PTK7: variants seen among roughly 807,000 people sequenced by gnomAD.
The protein encoded by PTK7 is inactive tyrosine-protein kinase 7.
Under a neutral mutation model 116.6 loss-of-function variants are expected in PTK7, and 39 were observed. The observed-to-expected ratio is 0.33, with a 90% CI of 0.26 to 0.44. The LOEUF (loss-of-function observed/expected upper bound fraction) is 0.44, where lower values mean the gene tolerates loss of function less well. PTK7 is among the 20% of genes least tolerant of loss of function. The pLI is 1.00. For synonymous variants in PTK7, 546 were observed against 563.6 expected (o/e 0.97, Z 0.44); for missense variants, 1,169 against 1,425.6 (o/e 0.82, Z 2.90).
In PTK7 at chr6:43,130,437, G is replaced by A. The variant is rs1333185908; in HGVS notation, c.661+17G>A. The A allele has an allele frequency of 6.2e-7, 1 of 1,604,052 alleles. No individual in the cohort carries two copies. Among genetic ancestry groups the A allele is most frequent in the Non-Finnish European group, 8.5e-7 (1 of 1,172,266 alleles). Reference sequence around the variant, plus strand: ...GCATTGCTGGTGAGCCTGGGGTGGGGGCGGAAGGGATGAGGTGAGCACAGG... The same window carrying A: ...GCATTGCTGGTGAGCCTGGGGTGGGAGCGGAAGGGATGAGGTGAGCACAGG... On this transcript the variant is annotated intron_variant, in intron 4 of 19. Transcript: ENST00000230419.
chr6:43,090,398 C>T (rs753297766), intron 1 of PTK7, among the ~76,000 whole-genome samples: 2 of 152,144 alleles, frequency 1.3e-5, no homozygotes, highest in African/African-American at 2.4e-5. Flanking sequence ...CCACTGCTGT[C>T]GGTATTTGCA....
chr6:43,131,640 A>G (rs1769688803), intron 5 of PTK7: 1 of 315,428 alleles, frequency 3.2e-6, no homozygotes, highest in African/African-American at 2.2e-5. Flanking sequence ...CACGGGAAAG[A>G]CTTGCCCCCA....
Position 43,129,552 on chromosome 6 carries a change from C to T in PTK7, c.368-175C>T. Reference sequence around the variant, plus strand: ...GTGTCAGACTTGACCTGCCAGGGACCAGGCAGGCACTTAGTATCTGGTAAC... The same window carrying T: ...GTGTCAGACTTGACCTGCCAGGGACTAGGCAGGCACTTAGTATCTGGTAAC... On this transcript the variant is annotated intron_variant, in intron 2 of 19. Coordinates refer to ENST00000230419, the MANE Select transcript of PTK7 (RefSeq NM_002821.5). This position sits in a 1 kb window ranked among gnomAD's most constrained non-coding sequence, Gnocchi z 4.5. 2.9e-6 allele frequency: 2 copies of T among 679,474 alleles called. No homozygotes were observed. The highest frequency in any genetic ancestry group is 4.9e-6 in the Non-Finnish European group (2 of 406,712). The allele number at this position is 679,474 out of a possible 1,614,324, so 42.1% of individuals were successfully genotyped here.
intron 1 of PTK7, among the ~76,000 whole-genome samples, chr6:43,100,698 G>A (rs945083991): frequency 7.9e-5 from 12 of 152,108 alleles, no homozygotes; most frequent in African/African-American, 1.7e-4. Flanking sequence ...ACAAGATCAC[G>A]GGGGAAATCC....
At chr6:43,105,410 A>G (rs1196587699) in intron 1 of PTK7, among the ~76,000 whole-genome samples, 1 of 145,674 alleles carries the variant, frequency 6.9e-6, no homozygotes, top group Non-Finnish European at 1.5e-5. Context: ...GTCGAATTAT[A>G]TGAACAGACA....
At chr6:43,087,551 A>G (rs994525271) in intron 1 of PTK7, among the ~76,000 whole-genome samples, 3 of 152,130 alleles carry the variant, frequency 2.0e-5, no homozygotes, top group Non-Finnish European at 4.4e-5. Flanking sequence ...GGTGATGTTC[A>G]TACCTCTTGA....
chr6:43,158,191 C>T (rs189251957), intron 17 of PTK7, among the ~76,000 whole-genome samples: 18 of 151,748 alleles, frequency 1.2e-4, no homozygotes, highest in Non-Finnish European at 2.6e-4. Flanking sequence ...CCCAGCTACT[C>T]GGGAGGCTGA....
chr6:43,080,325 C>T (rs1947201610), intron 1 of PTK7, among the ~76,000 whole-genome samples: 1 of 152,022 alleles, frequency 6.6e-6, no homozygotes, highest in Admixed American at 6.6e-5. Context: ...GCACTCCAGC[C>T]TGGGTGTCAG....
chr6:43,082,135 A>G (rs111992890), intron 1 of PTK7, among the ~76,000 whole-genome samples: 8 of 152,318 alleles, frequency 5.3e-5, no homozygotes, highest in African/African-American at 1.9e-4. Context: ...ACGTGGCATC[A>G]GCATTCCTGG....
At chr6:43,107,538 G>C (rs1434155717) in intron 1 of PTK7, among the ~76,000 whole-genome samples, 1 of 152,210 alleles carries the variant, frequency 6.6e-6, no homozygotes, top group Non-Finnish European at 1.5e-5. Flanking sequence ...TGGTCAGTAA[G>C]TGGTAGCTGT....
At chr6:43,085,342 G>A (rs559437582) in intron 1 of PTK7, among the ~76,000 whole-genome samples, 7 of 152,092 alleles carry the variant, frequency 4.6e-5, no homozygotes, top group Non-Finnish European at 8.8e-5. Flanking sequence ...TCCACCTCCC[G>A]GGTTCGCGCC....
At chr6:43,124,606 G>C (rs1028585106) in intron 1 of PTK7, among the ~76,000 whole-genome samples, 1 of 151,870 alleles carries the variant, frequency 6.6e-6, no homozygotes, top group Non-Finnish European at 1.5e-5. Context: ...AGCCCTGGAG[G>C]TCAAGGCTGC....
chr6:43,119,691 A>G (rs1267195148), intron 1 of PTK7, among the ~76,000 whole-genome samples: 1 of 152,060 alleles, frequency 6.6e-6, no homozygotes, highest in Non-Finnish European at 1.5e-5. Context: ...CTCGTGGCAT[A>G]TTTCCCAGTC....
At chr6:43,118,282 A>G (rs1378829232) in intron 1 of PTK7, among the ~76,000 whole-genome samples, 12 of 151,918 alleles carry the variant, frequency 7.9e-5, no homozygotes, top group Admixed American at 7.9e-4. Flanking sequence ...CATGCCTGTA[A>G]TCCCAGTACT....
intron 1 of PTK7, among the ~76,000 whole-genome samples, chr6:43,110,012 T>C (rs1351691180): frequency 6.7e-6 from 1 of 149,632 alleles, no homozygotes; most frequent in East Asian, 2.0e-4. Context: ...TTTTTTTTTT[T>C]TTGAGACAGA....
intron 17 of PTK7, among the ~76,000 whole-genome samples, chr6:43,157,223 T>C (rs1356034504): frequency 6.8e-5 from 10 of 146,712 alleles, no homozygotes; most frequent in African/African-American, 1.8e-4. Flanking sequence ...CTTACCTTTC[T>C]ACCTTCTAGC....
chr6:43,130,195 C>G (rs748948161), intron 3 of PTK7, 35 bp from the exon 4 acceptor site: 2 of 1,534,952 alleles, frequency 1.3e-6, no homozygotes, highest in East Asian at 2.3e-5. Context: ...ACTGAGTACC[C>G]CTCCCCACCA....
At chr6:43,148,337 A>T (rs1770845778) in intron 17 of PTK7, among the ~76,000 whole-genome samples, 1 of 152,140 alleles carries the variant, frequency 6.6e-6, no homozygotes. Context: ...CATGAGTATG[A>T]CCTGTGCCTT....
At chr6:43,079,536 TTA>T (rs925814877) in intron 1 of PTK7, among the ~76,000 whole-genome samples, 3 of 152,012 alleles carry the variant, frequency 2.0e-5, no homozygotes, top group Non-Finnish European at 2.9e-5. Flanking sequence ...CTCAAGTCTC[TTA>T]TATAAAATGG....
Sources: gnomAD v4.1 joint callset for allele counts (sites outside exome capture counted in the v4.1 genomes callset) on GRCh38, gnomAD v4.1.1 for gene constraint, Gnocchi (gnomAD v3.1) non-coding constraint, MANE v1.5 for transcripts, NCBI Gene and HGNC (gene_info 2026-07-23, HGNC 2026-07-21) for gene names.